KLF8: variants seen among roughly 807,000 people sequenced by gnomAD.
KLF8 encodes the protein Krueppel-like factor 8.
KLF8 carries 10 observed loss-of-function variants against 18.2 expected under a neutral mutation model. The observed-to-expected ratio is 0.55, with a 90% CI of 0.34 to 0.93. The LOEUF is 0.93. Among genes scored for constraint, KLF8 ranks in the 40% least tolerant of loss-of-function variants. The pLI, the probability that KLF8 is intolerant of heterozygous loss-of-function variation, is 0.02. For synonymous variants in KLF8, 109 were observed against 97.3 expected, an observed-to-expected ratio of 1.12 and a Z score of -0.71; for missense variants, 264 against 277.9, an observed-to-expected ratio of 0.95 and a Z score of 0.36.
the KLF8 span, among the ~76,000 whole-genome samples, chrX:56,141,639 C>A: frequency 9.0e-6 from 1 of 110,963 alleles, no homozygotes; most frequent in Non-Finnish European, 1.9e-5. Flanking sequence ...TTTATGGTAT[C>A]TTTTTATGTT....
chrX:56,161,946 T>C, the KLF8 span, among the ~76,000 whole-genome samples: 1 of 111,849 alleles, frequency 8.9e-6, no homozygotes, highest in Non-Finnish European at 1.9e-5. Context: ...AGATGGGGTT[T>C]TGGTGTGGAT....
At chrX:56,226,313 G>C in the KLF8 span, among the ~76,000 whole-genome samples, 1 of 112,135 alleles carries the variant, frequency 8.9e-6, no homozygotes, top group African/African-American at 3.2e-5. Context: ...TCATGATTTA[G>C]ACCATATCTG....
At chrX:55,987,658 C>T in the KLF8 span, among the ~76,000 whole-genome samples, 1 of 112,189 alleles carries the variant, frequency 8.9e-6, no homozygotes, top group Non-Finnish European at 1.9e-5. Context: ...CCGCAATAAA[C>T]ATACATGTGC....
At chrX:56,190,715 TC>T in the KLF8 span, among the ~76,000 whole-genome samples, 1 of 111,421 alleles carries the variant, frequency 9.0e-6, no homozygotes, top group Admixed American at 9.6e-5. Flanking sequence ...TGTATCCTCC[TC>T]AATGACCAGT....
the KLF8 span, among the ~76,000 whole-genome samples, chrX:55,980,795 T>C: frequency 1.8e-5 from 2 of 112,329 alleles, no homozygotes; most frequent in Non-Finnish European, 3.8e-5. Context: ...GCACAAATTA[T>C]GTACCTAATA....
At chrX:56,080,416 T>G in the KLF8 span, among the ~76,000 whole-genome samples, 8 of 111,292 alleles carry the variant, frequency 7.2e-5, no homozygotes, top group South Asian at 2.7e-3. Flanking sequence ...GAAGCTTAGT[T>G]TGGCTGGATA....
At chrX:56,252,169 C>T (rs1227753713) in intron 2 of KLF8, among the ~76,000 whole-genome samples, 1 of 110,852 alleles carries the variant, frequency 9.0e-6, no homozygotes, top group Non-Finnish European at 1.9e-5. Flanking sequence ...CATGCCACCA[C>T]GCCCAGCTAA....
At chrX:55,967,767 A>G in the KLF8 span, among the ~76,000 whole-genome samples, 1 of 112,009 alleles carries the variant, frequency 8.9e-6, no homozygotes, top group Non-Finnish European at 1.9e-5. Context: ...TTAAATAGAA[A>G]GACAAACAGA....
chrX:55,988,319 G>GT, the KLF8 span, among the ~76,000 whole-genome samples: 2 of 111,122 alleles, frequency 1.8e-5, no homozygotes, highest in African/African-American at 6.6e-5. Flanking sequence ...TTCTTCTAGG[G>GT]TTTTTATGGT....
the KLF8 span, among the ~76,000 whole-genome samples, chrX:55,962,662 C>A: frequency 8.9e-6 from 1 of 112,369 alleles, no homozygotes; most frequent in African/African-American, 3.2e-5. Context: ...TGACATAGGG[C>A]AGAGACATCC....
the KLF8 span, among the ~76,000 whole-genome samples, chrX:55,945,711 A>G: frequency 5.4e-5 from 6 of 111,466 alleles, no homozygotes; most frequent in Admixed American, 9.6e-5. Flanking sequence ...CCCTGTTTGT[A>G]GATGACATGA....
the KLF8 span, among the ~76,000 whole-genome samples, chrX:55,924,606 A>G: frequency 1.8e-5 from 2 of 111,359 alleles, no homozygotes; most frequent in Non-Finnish European, 3.8e-5. Flanking sequence ...CAATGAATGA[A>G]CATAGAGGAA....
chrX:56,063,013 T>C, the KLF8 span, among the ~76,000 whole-genome samples: 1 of 111,252 alleles, frequency 9.0e-6, no homozygotes, highest in East Asian at 2.8e-4. Context: ...TTCAGCTCCA[T>C]CAGGTCAGTT....
At chrX:56,083,837 A>G in the KLF8 span, among the ~76,000 whole-genome samples, 1 of 111,758 alleles carries the variant, frequency 8.9e-6, no homozygotes, top group Non-Finnish European at 1.9e-5. Flanking sequence ...TTATGAGACT[A>G]TAACTAATGC....
chrX:55,969,434 T>C, the KLF8 span, among the ~76,000 whole-genome samples: 4 of 111,464 alleles, frequency 3.6e-5, no homozygotes, highest in Non-Finnish European at 7.6e-5. Context: ...TATCTAAACC[T>C]ACAGGATGCA....
the KLF8 span, among the ~76,000 whole-genome samples, chrX:56,043,447 C>A: frequency 9.0e-6 from 1 of 111,334 alleles, no homozygotes; most frequent in Non-Finnish European, 1.9e-5. Context: ...GTTTCAGGTA[C>A]CCCAATCAGT....
chrX:56,150,871 T>C, the KLF8 span, among the ~76,000 whole-genome samples: 1 of 111,763 alleles, frequency 8.9e-6, no homozygotes, highest in East Asian at 2.8e-4. Flanking sequence ...TTAATCATAC[T>C]AATATAAAAC....
chrX:56,044,495 C>T, the KLF8 span, among the ~76,000 whole-genome samples: 12,808 of 112,000 alleles, frequency 0.11, 1,282 homozygotes, highest in African/African-American at 0.32. Flanking sequence ...CCATAGCAAT[C>T]TGCCTGGATT....
the KLF8 span, among the ~76,000 whole-genome samples, chrX:56,062,956 G>T: frequency 5.5e-5 from 6 of 109,804 alleles, no homozygotes; most frequent in African/African-American, 2.0e-4. Context: ...TGATCGATTT[G>T]GCTATTGATA....
Sources: gnomAD v4.1 joint callset for allele counts (sites outside exome capture counted in the v4.1 genomes callset) on GRCh38, gnomAD v4.1.1 for gene constraint, MANE v1.5 for transcripts, NCBI Gene and HGNC (gene_info 2026-07-23, HGNC 2026-07-21) for gene names.